Variants in PTPRG observed in about 807,000 individuals in gnomAD.
The protein encoded by PTPRG is protein tyrosine phosphatase receptor type G.
A neutral mutation model predicts 165.3 loss-of-function variants in PTPRG; 102 were observed. The ratio of observed to expected loss-of-function variants is 0.62; its 90% CI spans 0.53 to 0.73. The LOEUF is 0.73. Among genes scored for constraint, PTPRG ranks in the 30% least tolerant of loss-of-function variants. The pLI, the probability that PTPRG is intolerant of heterozygous loss-of-function variation, is 0.00. For missense variants in PTPRG, 1,866 were observed against 1,861.4 expected (o/e 1.00, Z -0.05); for synonymous variants, 675 against 669.5 (o/e 1.01, Z -0.13).
intron 2 of PTPRG, among the ~76,000 whole-genome samples, chr3:61,790,464 T>G (rs1167679746): frequency 1.3e-5 from 2 of 152,196 alleles, no homozygotes; most frequent in East Asian, 3.9e-4. Flanking sequence ...CATGTTCTAT[T>G]TTACTGAAAA....
chr3:61,821,333 C>T (rs1475083384), intron 2 of PTPRG, among the ~76,000 whole-genome samples: 1 of 152,098 alleles, frequency 6.6e-6, no homozygotes, highest in Admixed American at 6.6e-5. Context: ...CCTCGCCTGG[C>T]TACTTTTTTG....
At chr3:61,877,680 TA>T (rs2037780373) in intron 2 of PTPRG, among the ~76,000 whole-genome samples, 2 of 152,232 alleles carry the variant, frequency 1.3e-5, no homozygotes, top group African/African-American at 4.8e-5. Flanking sequence ...TGCAGAAGCT[TA>T]TGATGCAATG....
In PTPRG at chr3:61,594,885, T is replaced by C. The variant is rs151206513; in HGVS notation, c.85+32513T>C. On this transcript the variant is annotated intron_variant, in intron 1 of 29. Coordinates refer to ENST00000474889, the MANE Select transcript of PTPRG (RefSeq NM_002841.4). Reference sequence around the variant, plus strand: ...GAAGAAACACGATGTTACAATAAAATTGGCCTGATCTAAGCATAGCTAAAG... The same window carrying C: ...GAAGAAACACGATGTTACAATAAAACTGGCCTGATCTAAGCATAGCTAAAG... Among the ~76,000 whole-genome samples the C allele has an allele frequency of 4.7e-3, 720 of 152,290 alleles. 2 individuals are homozygous for C. The highest frequency in any genetic ancestry group is 0.017 in the Middle Eastern group (5 of 294).
chr3:61,859,464 A>C (rs928363571), intron 2 of PTPRG, among the ~76,000 whole-genome samples: 2 of 152,288 alleles, frequency 1.3e-5, no homozygotes, highest in East Asian at 3.9e-4. Context: ...CAGAGCTGAC[A>C]TGAACTTTCT....
intron 2 of PTPRG, among the ~76,000 whole-genome samples, chr3:61,758,888 T>C (rs2033733240): frequency 6.6e-6 from 1 of 152,208 alleles, no homozygotes; most frequent in African/African-American, 2.4e-5. Context: ...TTGGAATAAG[T>C]GTCTAATATA....
chr3:62,219,013 T>C lies in PTPRG; in HGVS notation c.2288+30T>C, dbSNP rs573460067. 17 of 1,610,512 alleles carry C rather than the reference T, an allele frequency of 1.1e-5. No homozygotes were observed. The African/African-American group carries it at 1.6e-4, about 15-fold the overall frequency. The stretch of plus-strand genomic sequence containing the variant: ...GCCAGGCAGCACCTACAGCGTAGAT[T>C]TGGGGGCCAGATGCTGGCCAGGTTT... On this transcript the variant is annotated intron_variant, in intron 13 of 29. Transcript: ENST00000474889. This position sits in a 1 kb window ranked among gnomAD's most constrained non-coding sequence, Gnocchi z 4.5.
At chr3:61,753,730 A>T (rs2033538274) in intron 2 of PTPRG, 3 of 390,426 alleles carry the variant, frequency 7.7e-6, no homozygotes, top group Admixed American at 7.0e-5. Context: ...AGTAGCTGGG[A>T]TTATAGGTGT....
chr3:62,249,360 G>C (rs1701358659), intron 15 of PTPRG, among the ~76,000 whole-genome samples: 1 of 152,118 alleles, frequency 6.6e-6, no homozygotes, highest in African/African-American at 2.4e-5. Context: ...CTAGAGGTGT[G>C]GTTAACAGTA....
At chr3:61,689,268 A>G (rs1447272305) in intron 1 of PTPRG, among the ~76,000 whole-genome samples, 2 of 152,222 alleles carry the variant, frequency 1.3e-5, no homozygotes, top group East Asian at 3.8e-4. Context: ...CTGCTTCCCT[A>G]TCATCATCTG....
chr3:62,246,061 T>C (rs1468679156), intron 15 of PTPRG, among the ~76,000 whole-genome samples: 2 of 152,190 alleles, frequency 1.3e-5, no homozygotes, highest in Non-Finnish European at 2.9e-5. Flanking sequence ...TAAATGTGTC[T>C]TTTTCCCTTT....
In PTPRG at chr3:62,046,631, G is replaced by A. The variant is rs116417187; in HGVS notation, c.520-31532G>A. Among the ~76,000 whole-genome samples the A allele has an allele frequency of 3.4e-3, 510 of 151,980 alleles. 3 individuals are homozygous for A. The highest frequency in any genetic ancestry group is 0.012 in the African/African-American group (484 of 41,456). ...CTTTCTTTCCTGCATTTAGTCTGGG[G>A]GACTTACTGTCTCTCATCATTAGGT... On this transcript the variant is annotated intron_variant, in intron 4 of 29. Coordinates refer to ENST00000474889, the MANE Select transcript of PTPRG (RefSeq NM_002841.4).
At chr3:61,726,421 A>G (rs990928883) in intron 1 of PTPRG, among the ~76,000 whole-genome samples, 2 of 152,198 alleles carry the variant, frequency 1.3e-5, no homozygotes, top group African/African-American at 4.8e-5. Flanking sequence ...TTTGAGGGAA[A>G]TATAATATCA....
chr3:61,563,439 C>G (rs1208290006), intron 1 of PTPRG, among the ~76,000 whole-genome samples: 3 of 152,242 alleles, frequency 2.0e-5, no homozygotes, highest in Non-Finnish European at 2.9e-5. Context: ...CCAGCTGCCT[C>G]CCTCTCCTCT....
At chr3:61,952,415 C>A (rs994430302) in intron 2 of PTPRG, among the ~76,000 whole-genome samples, 15 of 152,126 alleles carry the variant, frequency 9.9e-5, no homozygotes, top group African/African-American at 3.6e-4. Context: ...TCATTAAATT[C>A]ATTAACTGTT....
chr3:62,040,487 C>A (rs1031723778), intron 4 of PTPRG, among the ~76,000 whole-genome samples: 1 of 152,234 alleles, frequency 6.6e-6, no homozygotes, highest in Non-Finnish European at 1.5e-5. Flanking sequence ...CAGAGTCTTA[C>A]TCTGTTACCA....
At chr3:61,600,192 A>ATCTG (rs1279672354) in intron 1 of PTPRG, among the ~76,000 whole-genome samples, 1 of 106,638 alleles carries the variant, frequency 9.4e-6, no homozygotes, top group Admixed American at 1.0e-4. Context: ...ATATATATAT[A>ATCTG]TGTGTGTGTG....
intron 6 of PTPRG, among the ~76,000 whole-genome samples, chr3:62,147,325 A>G (rs779194090): frequency 9.9e-5 from 15 of 152,176 alleles, no homozygotes; most frequent in East Asian, 1.9e-4. Flanking sequence ...ATGAGAGTCA[A>G]TGCTGCTGCT....
intron 2 of PTPRG, among the ~76,000 whole-genome samples, chr3:61,755,164 C>A (rs943851426): frequency 6.6e-6 from 1 of 152,116 alleles, no homozygotes; most frequent in African/African-American, 2.4e-5. Context: ...TGTGCCACCA[C>A]GCCCGACTAA....
intron 2 of PTPRG, among the ~76,000 whole-genome samples, chr3:61,878,995 A>T (rs1297662266): frequency 6.6e-6 from 1 of 152,228 alleles, no homozygotes; most frequent in African/African-American, 2.4e-5. Flanking sequence ...CTATATATTA[A>T]CAGGAGGTAA....
Sources: allele counts gnomAD v4.1 joint callset (sites outside exome capture counted in the v4.1 genomes callset), GRCh38; gene constraint gnomAD v4.1.1; non-coding constraint Gnocchi (gnomAD v3.1); transcripts MANE v1.5; gene names NCBI Gene and HGNC (gene_info 2026-07-23, HGNC 2026-07-21).